Variants in KLHL29 observed in about 807,000 individuals in gnomAD.
The protein encoded by KLHL29 is kelch-like protein 29.
Under a neutral mutation model 80.4 loss-of-function variants are expected in KLHL29, and 21 were observed. The ratio of observed to expected loss-of-function variants is 0.26; its 90% confidence interval spans 0.19 to 0.38. KLHL29 has a LOEUF of 0.38. KLHL29 is among the 10% of genes least tolerant of loss of function. The probability of loss-of-function intolerance (pLI) is 1.00; values close to 1 mark genes in which losing one functional copy is unlikely to be tolerated. For missense variants in KLHL29, 867 were observed against 1,223.9 expected, an observed-to-expected ratio of 0.71 and a Z score of 4.35; for synonymous variants, 511 against 526.8, an observed-to-expected ratio of 0.97 and a Z score of 0.41.
chr2:23,443,532 G>A (rs1471947337), intron 1 of KLHL29, among the ~76,000 whole-genome samples: 2 of 152,120 alleles, frequency 1.3e-5, no homozygotes, highest in Non-Finnish European at 2.9e-5. Context: ...AAGAGACCAG[G>A]CCAGTTATCT....
Position 23,701,921 on chromosome 2 carries a change from C to CGGGTAGCT in KLHL29, c.2106-1246_2106-1239dup, listed in dbSNP as rs376689378. Among the ~76,000 whole-genome samples, 7 of 151,338 alleles carry CGGGTAGCT rather than the reference C, an allele frequency of 4.6e-5. No homozygotes were observed. The East Asian group carries it at 1.2e-3, about 25-fold the overall frequency. On this transcript the variant is annotated intron_variant, in intron 11 of 13. Coordinates refer to ENST00000486442, the MANE Select transcript of KLHL29 (RefSeq NM_052920.2). ...GTTCAAGCAGTTCTTCTGCCTCAGCCGGGTAGCTGGGTAGCTGGGTAGCTG... is the reference window on the plus strand; with the variant it reads ...GTTCAAGCAGTTCTTCTGCCTCAGCCGGGTAGCTGGGTAGCTGGGTAGCTGGGTAGCTG...
At chr2:23,542,933 T>G (rs1354103877) in intron 2 of KLHL29, among the ~76,000 whole-genome samples, 1 of 152,112 alleles carries the variant, frequency 6.6e-6, no homozygotes, top group African/African-American at 2.4e-5. Context: ...TTCTGCTTCC[T>G]CCCCTGGGAA....
intron 2 of KLHL29, among the ~76,000 whole-genome samples, chr2:23,495,532 T>G (rs776723643): frequency 1.6e-4 from 24 of 152,172 alleles, no homozygotes; most frequent in Non-Finnish European, 2.6e-4. Flanking sequence ...TGGCAGTGGG[T>G]ATAACAGTCA....
At chr2:23,543,630 G>A (rs184124333) in intron 2 of KLHL29, among the ~76,000 whole-genome samples, 4 of 152,206 alleles carry the variant, frequency 2.6e-5, no homozygotes, top group Non-Finnish European at 5.9e-5. Flanking sequence ...AGAACAAGCA[G>A]ATTAGAAGTC....
intron 3 of KLHL29, among the ~76,000 whole-genome samples, chr2:23,620,989 C>G (rs1669166595): frequency 6.6e-6 from 1 of 152,240 alleles, no homozygotes; most frequent in Non-Finnish European, 1.5e-5. Flanking sequence ...AACCAGTGTT[C>G]AGGGAGCCAG....
intron 2 of KLHL29, among the ~76,000 whole-genome samples, chr2:23,491,277 G>A (rs2103448284): frequency 6.6e-6 from 1 of 152,282 alleles, no homozygotes; most frequent in African/African-American, 2.4e-5. Context: ...GGGTGGGTAT[G>A]TGAATGACAC....
chr2:23,675,547 C>G (rs1309252698), intron 5 of KLHL29, among the ~76,000 whole-genome samples: 1 of 152,006 alleles, frequency 6.6e-6, no homozygotes, highest in African/African-American at 2.4e-5. Context: ...CAGCTGGGAC[C>G]CAAAGCTTGG....
intron 3 of KLHL29, among the ~76,000 whole-genome samples, chr2:23,620,633 A>G (rs1210385299): frequency 2.6e-5 from 4 of 152,154 alleles, no homozygotes; most frequent in African/African-American, 7.2e-5. Flanking sequence ...CGGGACACAC[A>G]GAGTGTGAAG....
intron 1 of KLHL29, among the ~76,000 whole-genome samples, chr2:23,402,718 A>G (rs1304387814): frequency 6.6e-6 from 1 of 152,206 alleles, no homozygotes; most frequent in Non-Finnish European, 1.5e-5. Context: ...CATGGGAAAA[A>G]TATAAAACAT....
chr2:23,482,871 C>T (rs1020113882), intron 2 of KLHL29, among the ~76,000 whole-genome samples: 1 of 148,422 alleles, frequency 6.7e-6, no homozygotes, highest in African/African-American at 2.5e-5. Context: ...ATTCATTCAT[C>T]CATCACTTAC....
intron 13 of KLHL29, among the ~76,000 whole-genome samples, chr2:23,705,994 G>A (rs2712097): frequency 0.15 from 22,655 of 152,194 alleles, 2,131 homozygotes; most frequent in Non-Finnish European, 0.2. Context: ...TGGGTGGGCA[G>A]CAGCACCAGG....
chr2:23,638,747 A>G (rs978206240), intron 3 of KLHL29, among the ~76,000 whole-genome samples: 8 of 152,276 alleles, frequency 5.3e-5, no homozygotes, highest in Non-Finnish European at 1.0e-4. Context: ...TACTCAGCAC[A>G]TGCCCGATAA....
At chr2:23,437,089 G>A (rs1405890665) in intron 1 of KLHL29, among the ~76,000 whole-genome samples, 3 of 152,148 alleles carry the variant, frequency 2.0e-5, no homozygotes, top group African/African-American at 7.2e-5. Context: ...CTGGGCCACC[G>A]GCTTGATTGA....
intron 3 of KLHL29, among the ~76,000 whole-genome samples, chr2:23,613,763 CAAAAAAAAA>C (rs1157736706): frequency 0.48 from 30,253 of 63,344 alleles, 5,291 homozygotes; most frequent in East Asian, 0.69. Flanking sequence ...GACTCCATCT[CAAAAAAAAA>C]AAAAAAAAAA....
intron 1 of KLHL29, among the ~76,000 whole-genome samples, chr2:23,466,749 T>C (rs1664364748): frequency 6.6e-6 from 1 of 152,228 alleles, no homozygotes; most frequent in Non-Finnish European, 1.5e-5. Flanking sequence ...GTATTATTTA[T>C]AGATGTATTT....
intron 3 of KLHL29, among the ~76,000 whole-genome samples, chr2:23,578,333 A>C (rs1667894252): frequency 6.6e-6 from 1 of 152,242 alleles, no homozygotes; most frequent in South Asian, 2.1e-4. Flanking sequence ...CCAAGATTGC[A>C]TCCGGACTCT....
At chr2:23,422,126 C>A (rs906891455) in intron 1 of KLHL29, among the ~76,000 whole-genome samples, 3 of 146,982 alleles carry the variant, frequency 2.0e-5, no homozygotes, top group African/African-American at 7.6e-5. Flanking sequence ...ATGGGTGGGT[C>A]TTTGTGTGTT....
At position 23,708,145 on chromosome 2, in the gene KLHL29, GAC is replaced by G. The variant is rs1672839024; in HGVS notation, c.*1485_*1486del. The G allele has an allele frequency of 6.6e-6, 1 of 152,250 alleles. No individual in the cohort carries two copies. The highest frequency in any genetic ancestry group is 1.5e-5 in the Non-Finnish European group (1 of 68,054). The allele number at this position is 152,250 out of a possible 1,614,324, so 9.4% of individuals were successfully genotyped here. ...CGCTTTCCATCGTTCAGTATTTGATGACACAAAATTCCAGTTCTAACGTTGGG... is the reference window on the plus strand; with the variant it reads ...CGCTTTCCATCGTTCAGTATTTGATGACAAAATTCCAGTTCTAACGTTGGG... On this transcript the variant is annotated 3_prime_UTR_variant, in exon 14 of 14. Transcript: ENST00000486442.
chr2:23,664,283 A>G (rs12623694), intron 5 of KLHL29, among the ~76,000 whole-genome samples: 118,614 of 152,108 alleles, frequency 0.78, 49,324 homozygotes, highest in East Asian at 0.99. Flanking sequence ...AGCAAAGGGA[A>G]CTTTCCAGCA....
Sources: allele counts gnomAD v4.1 joint callset (sites outside exome capture counted in the v4.1 genomes callset), GRCh38; gene constraint gnomAD v4.1.1; transcripts MANE v1.5; gene names NCBI Gene and HGNC (gene_info 2026-07-23, HGNC 2026-07-21).